The following COL24A1 variants were observed in gnomAD, a reference collection of about 807,000 sequenced individuals.
COL24A1 encodes the protein collagen alpha-1(XXIV) chain.
In COL24A1, 224 loss-of-function variants were observed where a neutral mutation model predicts 253.9. The ratio of observed to expected loss-of-function variants is 0.88; its 90% CI spans 0.79 to 0.99. The LOEUF is 0.99. Ranked by LOEUF, COL24A1 falls within the 50% of genes least tolerant of loss-of-function variation. COL24A1 has a pLI of 0.00. For synonymous variants in COL24A1, 685 were observed against 673.7 expected, an observed-to-expected ratio of 1.02 and a Z score of -0.26; for missense variants, 2,131 against 2,068.5, an observed-to-expected ratio of 1.03 and a Z score of -0.59.
chr1:86,098,006 A>G (rs988617472), intron 5 of COL24A1, among the ~76,000 whole-genome samples: 1 of 152,190 alleles, frequency 6.6e-6, no homozygotes, highest in African/African-American at 2.4e-5. Context: ...GATAATGATT[A>G]CAAAGTCAGG....
chr1:85,979,872 G>C (rs1397207849), intron 20 of COL24A1, among the ~76,000 whole-genome samples: 2 of 151,974 alleles, frequency 1.3e-5, no homozygotes, highest in South Asian at 2.1e-4. Flanking sequence ...AACCAGGAAA[G>C]GACATAACAA....
chr1:85,736,970 G>C (rs1042044491), intron 58 of COL24A1, among the ~76,000 whole-genome samples: 3 of 152,020 alleles, frequency 2.0e-5, no homozygotes, highest in Admixed American at 2.0e-4. Flanking sequence ...GTTATTATGT[G>C]CCCAATAACC....
intron 5 of COL24A1, among the ~76,000 whole-genome samples, chr1:86,099,220 A>T (rs149169771): frequency 1.3e-5 from 2 of 152,306 alleles, no homozygotes; most frequent in African/African-American, 4.8e-5. Context: ...TGAAAATGTA[A>T]CATATCAAAT....
intron 12 of COL24A1, among the ~76,000 whole-genome samples, chr1:86,034,949 A>G (rs1358276090): frequency 1.3e-5 from 2 of 152,174 alleles, no homozygotes. Context: ...TAACAAAAAT[A>G]AAAATCTATC....
At chr1:85,967,990 C>A (rs987100539) in intron 22 of COL24A1, among the ~76,000 whole-genome samples, 6 of 152,180 alleles carry the variant, frequency 3.9e-5, no homozygotes, top group African/African-American at 1.4e-4. Flanking sequence ...ATCTAATAAG[C>A]TGCCAGTGAA....
At chr1:85,821,654 G>A (rs1461838515) in intron 45 of COL24A1, among the ~76,000 whole-genome samples, 1 of 152,072 alleles carries the variant, frequency 6.6e-6, no homozygotes, top group Non-Finnish European at 1.5e-5. Flanking sequence ...ATGTGCCCTT[G>A]GGTTGTATGC....
chr1:86,122,555 T>G (rs915868240), intron 3 of COL24A1, among the ~76,000 whole-genome samples: 5 of 152,034 alleles, frequency 3.3e-5, no homozygotes, highest in African/African-American at 1.2e-4. Context: ...TTTAAATGTT[T>G]CATTTTTCTC....
intron 55 of COL24A1, among the ~76,000 whole-genome samples, chr1:85,747,198 G>C (rs930931932): frequency 2.8e-5 from 4 of 144,418 alleles, no homozygotes; most frequent in Non-Finnish European, 6.0e-5. Flanking sequence ...TGCAACCTCC[G>C]CTTCCCAGGT....
intron 31 of COL24A1, among the ~76,000 whole-genome samples, chr1:85,894,008 C>A (rs1683397528): frequency 1.3e-5 from 2 of 152,068 alleles, no homozygotes; most frequent in South Asian, 2.1e-4. Context: ...ACAATCTGAC[C>A]TCGAATTTAT....
chr1:86,125,643 A>C lies in COL24A1; in HGVS notation c.693T>G (p.Ser231=). ...QLDIIPSAEA[S]ADYCRYVKQQ... The stretch of plus-strand genomic sequence containing the variant: ...GTTTCACATATCTGCAGTAGTCTGC[A>C]GATGCTTCTGCAGAAGGAATAATAT... Residue 231 remains serine (S), a synonymous_variant, in exon 3 of 60, where the codon TCT becomes TCG. Transcript: ENST00000370571. The C allele has an allele frequency of 6.2e-7, 1 of 1,612,856 alleles. No individual in the cohort carries two copies. The highest frequency in any genetic ancestry group is 8.5e-7 in the Non-Finnish European group (1 of 1,179,218).
chr1:85,736,344 C>T (rs1320223846), intron 58 of COL24A1: 13 of 456,088 alleles, frequency 2.9e-5, no homozygotes, highest in Admixed American at 9.4e-5. Flanking sequence ...AACTAGAGTC[C>T]GCTTCCCCAC....
chr1:86,045,080 C>G (rs1425822619), intron 12 of COL24A1, among the ~76,000 whole-genome samples: 1 of 152,108 alleles, frequency 6.6e-6, no homozygotes, highest in Admixed American at 6.5e-5. Flanking sequence ...ACCTTATTCT[C>G]CCGGGTTCAA....
intron 24 of COL24A1, among the ~76,000 whole-genome samples, chr1:85,939,185 T>G (rs902750128): frequency 3.3e-5 from 5 of 152,126 alleles, no homozygotes; most frequent in African/African-American, 1.2e-4. Flanking sequence ...CCGTAAATGA[T>G]CCTCATTCTT....
At chr1:86,034,166 G>A (rs1698816617) in intron 12 of COL24A1, among the ~76,000 whole-genome samples, 1 of 151,782 alleles carries the variant, frequency 6.6e-6, no homozygotes, top group African/African-American at 2.4e-5. Context: ...AACATATACA[G>A]AAAACAAAAT....
intron 10 of COL24A1, 88 bp downstream of exon 10, chr1:86,057,843 A>C (rs1700773515): frequency 8.6e-7 from 1 of 1,165,454 alleles, no homozygotes; most frequent in African/African-American, 1.5e-5. Context: ...AAAGCTACTA[A>C]GAGAGTGTAA....
chr1:85,800,328 A>G (rs1224918288), intron 47 of COL24A1, among the ~76,000 whole-genome samples: 2 of 151,820 alleles, frequency 1.3e-5, no homozygotes, highest in East Asian at 1.9e-4. Flanking sequence ...CTCACTGTCC[A>G]CTCTCTCTCC....
intron 5 of COL24A1, among the ~76,000 whole-genome samples, chr1:86,103,976 T>A (rs1242814602): frequency 6.6e-6 from 1 of 152,182 alleles, no homozygotes; most frequent in East Asian, 1.9e-4. Flanking sequence ...CTGAAATATG[T>A]TTTTCAAGTT....
chr1:85,754,690 A>G (rs1666020037), intron 55 of COL24A1, among the ~76,000 whole-genome samples: 1 of 152,116 alleles, frequency 6.6e-6, no homozygotes, highest in Admixed American at 6.6e-5. Flanking sequence ...TGAAATAAAA[A>G]TTTACTAGAT....
chr1:85,877,882 A>G (rs1681364838), intron 32 of COL24A1, among the ~76,000 whole-genome samples: 1 of 152,178 alleles, frequency 6.6e-6, no homozygotes, highest in Admixed American at 6.5e-5. Flanking sequence ...GTGACAAACA[A>G]ATTTGCATCT....
Sources: allele counts gnomAD v4.1 joint callset (sites outside exome capture counted in the v4.1 genomes callset), GRCh38; gene constraint gnomAD v4.1.1; transcripts MANE v1.5; gene names NCBI Gene and HGNC (gene_info 2026-07-23, HGNC 2026-07-21).